The following COL27A1 variants were observed in gnomAD, a reference collection of about 807,000 sequenced individuals.
COL27A1 encodes the protein collagen type XXVII alpha 1 chain, also known as collagen alpha-1(XXVII) chain.
Under a neutral mutation model 251.3 loss-of-function variants are expected in COL27A1, and 106 were observed. The ratio of observed to expected loss-of-function variants is 0.42; its 90% CI spans 0.36 to 0.50. The LOEUF is 0.50. Among genes scored for constraint, COL27A1 ranks in the 20% least tolerant of loss-of-function variants. The pLI is 0.00. For synonymous variants in COL27A1, 1,000 were observed against 986.3 expected (o/e 1.01, Z -0.26); for missense variants, 2,325 against 2,522.8 (o/e 0.92, Z 1.68).
chr9:114,287,295 G>A (rs1013994399), intron 41 of COL27A1, among the ~76,000 whole-genome samples: 1 of 152,148 alleles, frequency 6.6e-6, no homozygotes, highest in Non-Finnish European at 1.5e-5. Context: ...ATGAACAAAG[G>A]GGCTCAGGGG....
chr9:114,209,798 CACCA>C, intron 11 of COL27A1, 70 bp downstream of exon 11: 10 of 1,475,384 alleles, frequency 6.8e-6, no homozygotes, highest in Non-Finnish European at 9.5e-6. Context: ...ACCTGCCAGG[CACCA>C]GCCTGGGGAA....
chr9:114,266,252 G>A (rs1269531458), intron 32 of COL27A1, among the ~76,000 whole-genome samples: 8 of 152,142 alleles, frequency 5.3e-5, no homozygotes, highest in Admixed American at 1.3e-4. Flanking sequence ...ATGGATCCGA[G>A]GTGGAAGAGC....
rs535736875 is a variant in COL27A1, at chr9:114,255,741, C to T, written c.3142-2800C>T. ...GGTCCCCCACTGCTACGGTACAGGG[C>T]TGGTCCCTTGGATCTCTTGGGGTTC... On this transcript the variant is annotated intron_variant, in intron 27 of 60. Coordinates refer to ENST00000356083, the MANE Select transcript of COL27A1 (RefSeq NM_032888.4). Among the ~76,000 whole-genome samples the T allele has an allele frequency of 4.6e-5, 7 of 152,290 alleles. No individual in the cohort carries two copies. In the South Asian group the frequency reaches 1.0e-3, roughly 23 times the overall value.
At chr9:114,267,438 T>C in intron 33 of COL27A1, 66 bp from the exon 34 acceptor site, 3 of 1,428,980 alleles carry the variant, frequency 2.1e-6, no homozygotes, top group African/African-American at 1.5e-5. Context: ...GAGCCTCAGT[T>C]ACCCCCTTGC....
Position 114,211,038 on chromosome 9 carries a change from C to T in COL27A1, c.2367+12C>T. On this transcript the variant is annotated intron_variant, in intron 12 of 60. Coordinates refer to ENST00000356083, the MANE Select transcript of COL27A1 (RefSeq NM_032888.4). The stretch of plus-strand genomic sequence containing the variant: ...AGATGGGTATGCCGGTAAAGATTTT[C>T]CGTGTCTATTACGCAGACTCTAGCG... The T allele has an allele frequency of 6.2e-7, 1 of 1,614,136 alleles. No homozygotes were observed. Among genetic ancestry groups the T allele is most frequent in the Non-Finnish European group, 8.5e-7 (1 of 1,179,938 alleles).
At chr9:114,162,494 T>C (rs766861914) in intron 1 of COL27A1, among the ~76,000 whole-genome samples, 5 of 152,118 alleles carry the variant, frequency 3.3e-5, no homozygotes, top group Admixed American at 6.5e-5. Flanking sequence ...AGGCTGTGTT[T>C]GTCTATATAA....
In COL27A1 at chr9:114,301,300, A is replaced by G. The variant is rs753704443; in HGVS notation, c.4772A>G (p.Lys1591Arg). ...TTGTTGCAGGGTCCGAAGGGTGACA[A>G]AGGCAGCCGTGGGGACTGGGTAAGT... ...PSGLPGPKGD[K>R]GSRGDWGLQG... Residue 1591 changes from lysine to arginine, a missense_variant, in exon 53 of 61, where the codon AAA becomes AGA. This residue lies in a region of COL27A1 where 327 missense variants were observed against 442.8 expected (regional missense o/e 0.74). Coordinates refer to ENST00000356083, the MANE Select transcript of COL27A1 (RefSeq NM_032888.4). 1.3e-5 allele frequency: 21 copies of G among 1,613,046 alleles called. No individual in the cohort carries two copies. The highest frequency in any genetic ancestry group is 1.0e-4 in the Admixed American group (6 of 59,906).
chr9:114,219,304 C>T lies in COL27A1; in HGVS notation c.2368-487C>T, dbSNP rs188860983. Among the ~76,000 whole-genome samples the T allele has an allele frequency of 4.0e-4, 61 of 152,356 alleles. 1 individual carries two copies. The East Asian group carries it at 0.012, about 29-fold the overall frequency. On this transcript the variant is annotated intron_variant, in intron 12 of 60. Transcript: ENST00000356083. ...GTGTGACCTTGCCACTTCACTCTTT[C>T]ACAGCCTCGTTTCCTTTATCTGTCA...
intron 49 of COL27A1, among the ~76,000 whole-genome samples, chr9:114,296,679 A>G (rs1357997646): frequency 1.3e-5 from 2 of 152,248 alleles, no homozygotes; most frequent in Non-Finnish European, 2.9e-5. Flanking sequence ...TCCCTATTGT[A>G]TAATCAAATC....
rs145376060 is a variant in COL27A1, at chr9:114,278,663, A to G, written c.3717+2895A>G. On this transcript the variant is annotated intron_variant, in intron 37 of 60. Coordinates refer to ENST00000356083, the MANE Select transcript of COL27A1 (RefSeq NM_032888.4). ...GGTGATGATGATGGTGATGATGATG[A>G]TAGTAGTGGTGTGGTGGTGGTAGCT... Among the ~76,000 whole-genome samples the G allele has an allele frequency of 7.7e-3, 1,153 of 149,912 alleles. 12 individuals are homozygous for G. The highest frequency in any genetic ancestry group is 0.024 in the African/African-American group (971 of 40,634).
intron 37 of COL27A1, among the ~76,000 whole-genome samples, chr9:114,276,500 G>A (rs1423433051): frequency 6.6e-6 from 1 of 152,220 alleles, no homozygotes; most frequent in Non-Finnish European, 1.5e-5. Flanking sequence ...AGTTACTCAG[G>A]AGGCTGAGGC....
chr9:114,154,518 T>C (rs1425053076), upstream of COL27A1, among the ~76,000 whole-genome samples: 1 of 151,816 alleles, frequency 6.6e-6, no homozygotes, highest in Non-Finnish European at 1.5e-5. This position sits in a 1 kb window ranked among gnomAD's most constrained non-coding sequence, Gnocchi z 5.8. Flanking sequence ...CTCGGAGAAC[T>C]GTGTGCAAGT....
At chr9:114,307,799 T>A in intron 59 of COL27A1, 21 bp downstream of exon 59, 1 of 1,563,476 alleles carries the variant, frequency 6.4e-7, no homozygotes, top group Non-Finnish European at 8.8e-7. Context: ...GCTCCCACAC[T>A]GCCCACCAGG....
At chr9:114,249,987 A>G (rs1453580722) in intron 24 of COL27A1, among the ~76,000 whole-genome samples, 1 of 152,190 alleles carries the variant, frequency 6.6e-6, no homozygotes, top group Non-Finnish European at 1.5e-5. Context: ...TTGCTTGCTC[A>G]GGGAGACGGC....
intron 3 of COL27A1, among the ~76,000 whole-genome samples, chr9:114,174,650 G>A (rs956945752): frequency 5.9e-5 from 9 of 152,170 alleles, no homozygotes; most frequent in Admixed American, 2.0e-4. Flanking sequence ...AGAAGAACCA[G>A]CATGCATATG....
At chr9:114,238,020 A>C (rs1170067375) in intron 19 of COL27A1, among the ~76,000 whole-genome samples, 2 of 152,154 alleles carry the variant, frequency 1.3e-5, no homozygotes, top group Non-Finnish European at 2.9e-5. Context: ...CTGGTCCCTC[A>C]CAGGAGCTTC....
rs1243006487 is a variant in COL27A1 at position 114,155,822 on chromosome 9, G to C, written c.-129G>C. The C allele has an allele frequency of 2.6e-6, 2 of 762,078 alleles. No homozygotes were observed. Among genetic ancestry groups the C allele is most frequent in the African/African-American group, 3.8e-5 (2 of 52,692 alleles). The allele number at this position is 762,078 out of a possible 1,614,324, so 47.2% of individuals were successfully genotyped here. ...CCTGCTCGGGCGCCCCTGGGCGCGG[G>C]GCTGCGCTGGGGGCGCGGGGGCCGC... On this transcript the variant is annotated 5_prime_UTR_variant, in exon 1 of 61. Transcript: ENST00000356083. This position sits in a 1 kb window ranked among gnomAD's most constrained non-coding sequence, Gnocchi z 5.5.
chr9:114,291,995 G>A (rs531257703), intron 48 of COL27A1, 108 bp from the exon 49 acceptor site: 19 of 977,136 alleles, frequency 1.9e-5, no homozygotes, highest in South Asian at 1.3e-4. Flanking sequence ...CTGCAATCTC[G>A]GGTACCCTGT....
At chr9:114,204,969 TA>T (rs1829844943) in intron 7 of COL27A1, 132 bp from the exon 8 acceptor site, 1 of 735,538 alleles carries the variant, frequency 1.4e-6, no homozygotes, top group Admixed American at 2.2e-5. Flanking sequence ...GGGGAACCTT[TA>T]CTGAGTGCAC....
Sources: allele counts gnomAD v4.1 joint callset (sites outside exome capture counted in the v4.1 genomes callset), GRCh38; gene constraint gnomAD v4.1.1; regional missense constraint gnomAD v4.1.1; non-coding constraint Gnocchi (gnomAD v3.1); transcripts MANE v1.5; gene names NCBI Gene and HGNC (gene_info 2026-07-23, HGNC 2026-07-21).